The following GALNT13 variants were observed in gnomAD, a reference collection of about 807,000 sequenced individuals.
GALNT13 encodes the protein UDP-GalNAc:polypeptide N-acetylgalactosaminyltransferase 13.
GALNT13 carries 28 observed loss-of-function variants against 64.2 expected under a neutral mutation model. The ratio of observed to expected loss-of-function variants is 0.44; its 90% CI spans 0.32 to 0.60. The LOEUF (loss-of-function observed/expected upper bound fraction) is 0.60, where lower values mean the gene tolerates loss of function less well. Ranked by LOEUF, GALNT13 falls within the 20% of genes least tolerant of loss-of-function variation. GALNT13 has a pLI of 0.05. For synonymous variants in GALNT13, 214 were observed against 224.6 expected (o/e 0.95, Z 0.42); for missense variants, 577 against 669.8 (o/e 0.86, Z 1.53).
chr2:154,021,245 T>G (rs567084913), intron 3 of GALNT13, among the ~76,000 whole-genome samples: 270 of 152,334 alleles, frequency 1.8e-3, no homozygotes, highest in African/African-American at 5.7e-3. Context: ...AAGAAAGTCA[T>G]TGGTAGCTTG....
At chr2:153,934,898 G>A (rs745494932) in intron 2 of GALNT13, among the ~76,000 whole-genome samples, 2 of 152,196 alleles carry the variant, frequency 1.3e-5, no homozygotes, top group South Asian at 4.1e-4. Flanking sequence ...GTTTATGAGA[G>A]TGGAGGAGTG....
At chr2:154,151,332 G>A (rs1039398564) in intron 4 of GALNT13, among the ~76,000 whole-genome samples, 1 of 152,154 alleles carries the variant, frequency 6.6e-6, no homozygotes, top group East Asian at 1.9e-4. Flanking sequence ...CATTTGCTGA[G>A]GAGAGCTTTA....
chr2:153,966,879 T>G (rs1245006313), intron 3 of GALNT13, among the ~76,000 whole-genome samples: 1 of 152,138 alleles, frequency 6.6e-6, no homozygotes, highest in Non-Finnish European at 1.5e-5. Flanking sequence ...TTATCCCTTT[T>G]GAGGCTATTG....
At chr2:153,366,020 AG>A in the GALNT13 span, among the ~76,000 whole-genome samples, 1 of 152,208 alleles carries the variant, frequency 6.6e-6, no homozygotes, top group African/African-American at 2.4e-5. Context: ...GGCTGGAAAA[AG>A]AAAATGTTAT....
the GALNT13 span, among the ~76,000 whole-genome samples, chr2:153,549,336 T>C: frequency 1.3e-5 from 2 of 152,222 alleles, no homozygotes; most frequent in South Asian, 2.1e-4. Context: ...GTTCCCGTAT[T>C]ATTTAACTGT....
At chr2:153,212,229 C>T in the GALNT13 span, among the ~76,000 whole-genome samples, 24 of 152,132 alleles carry the variant, frequency 1.6e-4, no homozygotes, top group African/African-American at 5.8e-4. Flanking sequence ...GTAGAATTTA[C>T]AAATAAGCTA....
At chr2:154,416,958 A>T (rs1700036186) in intron 11 of GALNT13, among the ~76,000 whole-genome samples, 1 of 152,144 alleles carries the variant, frequency 6.6e-6, no homozygotes, top group Non-Finnish European at 1.5e-5. Context: ...TTTTGTCCCA[A>T]GCCTTTTGTC....
the GALNT13 span, among the ~76,000 whole-genome samples, chr2:153,849,548 A>T: frequency 6.6e-6 from 1 of 152,206 alleles, no homozygotes; most frequent in African/African-American, 2.4e-5. Flanking sequence ...GAGAAAGGGG[A>T]AACAAACAAG....
intron 4 of GALNT13, among the ~76,000 whole-genome samples, chr2:154,240,191 C>T (rs548145625): frequency 6.6e-6 from 1 of 152,278 alleles, no homozygotes; most frequent in South Asian, 2.1e-4. Flanking sequence ...TTGATGGGAG[C>T]AACAAACATC....
intron 3 of GALNT13, among the ~76,000 whole-genome samples, chr2:153,976,836 A>G (rs961128356): frequency 6.6e-6 from 1 of 152,112 alleles, no homozygotes; most frequent in Non-Finnish European, 1.5e-5. Context: ...TTGGCAAAAA[A>G]TTAATATGGA....
chr2:153,403,603 G>A, the GALNT13 span, among the ~76,000 whole-genome samples: 49 of 152,322 alleles, frequency 3.2e-4, no homozygotes, highest in South Asian at 8.7e-3. Flanking sequence ...AGGACCCTCC[G>A]AGCCAGGTGC....
At chr2:153,465,440 T>A in the GALNT13 span, among the ~76,000 whole-genome samples, 9 of 151,390 alleles carry the variant, frequency 5.9e-5, no homozygotes, top group African/African-American at 2.2e-4. Flanking sequence ...CAAATAACAA[T>A]AAAATGTTTC....
chr2:154,115,627 G>A (rs1426240599), intron 3 of GALNT13, among the ~76,000 whole-genome samples: 1 of 152,004 alleles, frequency 6.6e-6, no homozygotes, highest in Non-Finnish European at 1.5e-5. Flanking sequence ...TCCCATATCG[G>A]TTAGTCTGGT....
chr2:153,119,663 G>A, the GALNT13 span, among the ~76,000 whole-genome samples: 1 of 152,168 alleles, frequency 6.6e-6, no homozygotes, highest in Non-Finnish European at 1.5e-5. Flanking sequence ...ACTGTGACAA[G>A]CCATGTTGCC....
chr2:153,987,429 C>A (rs1271452702), intron 3 of GALNT13, among the ~76,000 whole-genome samples: 1 of 151,668 alleles, frequency 6.6e-6, no homozygotes, highest in African/African-American at 2.4e-5. Context: ...CAAGAAGGTA[C>A]CTCTTTAGAT....
At chr2:153,284,047 C>G in the GALNT13 span, among the ~76,000 whole-genome samples, 2 of 152,176 alleles carry the variant, frequency 1.3e-5, no homozygotes, top group African/African-American at 4.8e-5. Context: ...TGAGAGTGCT[C>G]TGATGCACGA....
chr2:153,444,954 ATTTAATGT>A, the GALNT13 span, among the ~76,000 whole-genome samples: 1 of 152,194 alleles, frequency 6.6e-6, no homozygotes, highest in African/African-American at 2.4e-5. Flanking sequence ...GAGTGTGTAT[ATTTAATGT>A]TATTAAAAAC....
At chr2:153,634,253 A>G in the GALNT13 span, among the ~76,000 whole-genome samples, 2 of 152,188 alleles carry the variant, frequency 1.3e-5, no homozygotes, top group African/African-American at 2.4e-5. Flanking sequence ...GTAATTAACC[A>G]AATTAGAACT....
intron 4 of GALNT13, among the ~76,000 whole-genome samples, chr2:154,190,426 C>A (rs1325867644): frequency 2.0e-5 from 3 of 152,126 alleles, no homozygotes; most frequent in Non-Finnish European, 4.4e-5. Context: ...TAAAAAGAAC[C>A]AAATATAATT....
Sources: gnomAD v4.1 joint callset for allele counts (sites outside exome capture counted in the v4.1 genomes callset) on GRCh38, gnomAD v4.1.1 for gene constraint, MANE v1.5 for transcripts, NCBI Gene and HGNC (gene_info 2026-07-23, HGNC 2026-07-21) for gene names.